TOX3: variants seen among roughly 807,000 people sequenced by gnomAD.
TOX3 encodes TOX high mobility group box family member 3, also known as CAG trinucleotide repeat-containing gene F9 protein.
Under a neutral mutation model 64.3 loss-of-function variants are expected in TOX3, and 22 were observed. That is an observed-to-expected ratio of 0.34 (90% CI 0.24 to 0.49). TOX3 has a LOEUF of 0.49. Ranked by LOEUF, TOX3 falls within the 20% of genes least tolerant of loss-of-function variation. The pLI is 0.99. For synonymous variants in TOX3, 291 were observed against 273.6 expected (o/e 1.06, Z -0.63); for missense variants, 661 against 714.4 (o/e 0.93, Z 0.85).
chr16:52,502,193 A>G (rs1372056978), intron 1 of TOX3, among the ~76,000 whole-genome samples: 1 of 152,244 alleles, frequency 6.6e-6, no homozygotes, highest in African/African-American at 2.4e-5. Context: ...ATGCAGCACC[A>G]GGAACACAAA....
intron 1 of TOX3, among the ~76,000 whole-genome samples, chr16:52,546,105 C>G (rs905174203): frequency 2.6e-5 from 4 of 151,966 alleles, no homozygotes; most frequent in African/African-American, 9.7e-5. Flanking sequence ...CCTGCGGGGT[C>G]CCACCACTTC....
chr16:52,439,855 T>C lies in TOX3; in HGVS notation c.1101A>G (p.Thr367=). Residue 367 remains threonine (T), a synonymous_variant, in exon 7 of 7, where the codon ACA becomes ACG. Transcript: ENST00000219746. ...GGAGAGTCTGAGGTGATGCTGACAC[T>C]GTTCCATGTTGAGACAGTGGAGTGT... The part of the protein sequence containing the change: ...LLNTPLSQHG[T]VSASPQTLQQ... The C allele has an allele frequency of 6.2e-7, 1 of 1,613,852 alleles. No individual in the cohort carries two copies. The highest frequency in any genetic ancestry group is 8.5e-7 in the Non-Finnish European group (1 of 1,179,842).
intron 1 of TOX3, among the ~76,000 whole-genome samples, chr16:52,508,647 G>GA (rs1334974205): frequency 2.0e-5 from 3 of 151,920 alleles, no homozygotes; most frequent in African/African-American, 7.3e-5. Context: ...TTTATATAAA[G>GA]AAAAAACAAG....
chr16:52,535,455 G>T (rs748328943), intron 1 of TOX3, among the ~76,000 whole-genome samples: 2 of 152,190 alleles, frequency 1.3e-5, no homozygotes, highest in Non-Finnish European at 2.9e-5. Context: ...CATGGAGGTT[G>T]ACTAGAGGTC....
chr16:52,489,864 A>T (rs2151456413), intron 1 of TOX3, among the ~76,000 whole-genome samples: 1 of 152,032 alleles, frequency 6.6e-6, no homozygotes, highest in African/African-American at 2.4e-5. Flanking sequence ...GTGGTCATTC[A>T]ACTACACCAA....
chr16:52,443,229 G>A (rs1275459028), intron 6 of TOX3, among the ~76,000 whole-genome samples: 1 of 152,192 alleles, frequency 6.6e-6, no homozygotes, highest in Non-Finnish European at 1.5e-5. Context: ...CAATGTGCAA[G>A]TCTGAGTACA....
At chr16:52,503,320 T>G (rs547376107) in intron 1 of TOX3, among the ~76,000 whole-genome samples, 43 of 152,332 alleles carry the variant, frequency 2.8e-4, no homozygotes, top group African/African-American at 8.2e-4. Flanking sequence ...TTTCCTCACT[T>G]GTAAAATTAA....
At chr16:52,533,176 G>A (rs1479186358) in intron 1 of TOX3, among the ~76,000 whole-genome samples, 1 of 152,184 alleles carries the variant, frequency 6.6e-6, no homozygotes, top group East Asian at 1.9e-4. Flanking sequence ...GTGTAAATGT[G>A]AATGGTCCTT....
At chr16:52,546,482 G>A (rs2151494296) in intron 1 of TOX3, among the ~76,000 whole-genome samples, 155 bp downstream of exon 1, 1 of 152,302 alleles carries the variant, frequency 6.6e-6, no homozygotes, top group South Asian at 2.1e-4. Context: ...AAGAGAAGCG[G>A]GGAGAGCTGG....
intron 1 of TOX3, among the ~76,000 whole-genome samples, chr16:52,539,299 T>C (rs1235812703): frequency 6.6e-6 from 1 of 152,106 alleles, no homozygotes; most frequent in Non-Finnish European, 1.5e-5. Context: ...AAACACACAC[T>C]CCTTGTTTAT....
At chr16:52,453,933 A>G (rs1036160555) in intron 3 of TOX3, among the ~76,000 whole-genome samples, 1 of 152,232 alleles carries the variant, frequency 6.6e-6, no homozygotes, top group Non-Finnish European at 1.5e-5. Context: ...ACTATGAGCC[A>G]GCATTTGTGC....
intron 3 of TOX3, among the ~76,000 whole-genome samples, chr16:52,456,335 C>T (rs1040016452): frequency 3.9e-5 from 6 of 152,200 alleles, no homozygotes; most frequent in Non-Finnish European, 8.8e-5. Flanking sequence ...ATCTGTGTTT[C>T]GAAGAATACC....
chr16:52,472,373 A>G (rs902515586), intron 1 of TOX3, among the ~76,000 whole-genome samples: 1 of 152,164 alleles, frequency 6.6e-6, no homozygotes, highest in African/African-American at 2.4e-5. Context: ...CTGTGAAATC[A>G]CAGTTTGGGA....
intron 3 of TOX3, among the ~76,000 whole-genome samples, chr16:52,455,609 G>A (rs577459343): frequency 3.3e-5 from 5 of 152,248 alleles, no homozygotes; most frequent in African/African-American, 1.2e-4. Flanking sequence ...ATACAAAAGA[G>A]AGTTATTGGG....
chr16:52,470,122 C>T (rs1195519712), intron 1 of TOX3, among the ~76,000 whole-genome samples: 3 of 152,250 alleles, frequency 2.0e-5, no homozygotes, highest in African/African-American at 7.2e-5. Context: ...CATGGGCACA[C>T]ACACACTCAC....
chr16:52,466,181 G>T (rs1960859060), intron 2 of TOX3, among the ~76,000 whole-genome samples: 1 of 152,158 alleles, frequency 6.6e-6, no homozygotes, highest in Admixed American at 6.5e-5. Flanking sequence ...ACTCATTCTT[G>T]ATATGTGGCA....
intron 1 of TOX3, among the ~76,000 whole-genome samples, chr16:52,478,544 C>T (rs1076479): frequency 0.56 from 85,402 of 152,046 alleles, 24,266 homozygotes; most frequent in Middle Eastern, 0.63. Context: ...TTTGTCCATT[C>T]ACTATTTCTC....
chr16:52,463,786 G>T, intron 3 of TOX3, 148 bp downstream of exon 3: 4 of 924,740 alleles, frequency 4.3e-6, no homozygotes, highest in Non-Finnish European at 5.8e-6. Flanking sequence ...TCAATACCAG[G>T]CAGCGATCCA....
intron 1 of TOX3, among the ~76,000 whole-genome samples, chr16:52,490,777 A>G (rs1324496524): frequency 1.3e-5 from 2 of 151,638 alleles, no homozygotes; most frequent in South Asian, 4.2e-4. Context: ...CTACAGGTGC[A>G]CACCATCACA....
Sources: gnomAD v4.1 joint callset for allele counts (sites outside exome capture counted in the v4.1 genomes callset) on GRCh38, gnomAD v4.1.1 for gene constraint, MANE v1.5 for transcripts, NCBI Gene and HGNC (gene_info 2026-07-23, HGNC 2026-07-21) for gene names.